ZNF385D: variants seen among roughly 807,000 people sequenced by gnomAD.
The protein encoded by ZNF385D is zinc finger protein 385D.
A neutral mutation model predicts 35.8 loss-of-function variants in ZNF385D; 15 were observed. That is an observed-to-expected ratio of 0.42 (90% CI 0.28 to 0.64). The LOEUF (loss-of-function observed/expected upper bound fraction) is 0.64. Among genes scored for constraint, ZNF385D ranks in the 30% least tolerant of loss-of-function variants. The pLI is 0.23. For synonymous variants in ZNF385D, 212 were observed against 186.8 expected, an observed-to-expected ratio of 1.13 and a Z score of -1.10; for missense variants, 474 against 494.6, an observed-to-expected ratio of 0.96 and a Z score of 0.39.
chr3:21,813,813 C>G (rs1324809611), intron 3 of ZNF385D, among the ~76,000 whole-genome samples: 1 of 152,114 alleles, frequency 6.6e-6, no homozygotes, highest in East Asian at 1.9e-4. Flanking sequence ...CCCAATCTAG[C>G]AAGGCAGGCC....
intron 3 of ZNF385D, among the ~76,000 whole-genome samples, chr3:21,891,764 T>C (rs1698881190): frequency 6.6e-6 from 1 of 152,328 alleles, no homozygotes. Flanking sequence ...TGGTAGTCTA[T>C]TGTCATTATC....
chr3:21,870,839 A>C (rs1274003796), intron 3 of ZNF385D, among the ~76,000 whole-genome samples: 1 of 152,066 alleles, frequency 6.6e-6, no homozygotes, highest in Non-Finnish European at 1.5e-5. Context: ...CAATTTTTAC[A>C]TTCAGAATCT....
At chr3:21,507,667 T>A (rs971792926) in intron 4 of ZNF385D, among the ~76,000 whole-genome samples, 1 of 152,166 alleles carries the variant, frequency 6.6e-6, no homozygotes, top group Non-Finnish European at 1.5e-5. Context: ...AAGTCCCAGA[T>A]GCAAGGAATT....
chr3:21,625,919 C>T (rs2065123409), intron 2 of ZNF385D, among the ~76,000 whole-genome samples: 2 of 152,072 alleles, frequency 1.3e-5, no homozygotes, highest in South Asian at 2.1e-4. Context: ...CCCCTCCTTT[C>T]AGGTTTCTTA....
chr3:21,960,672 T>C (rs1702538651), intron 3 of ZNF385D, among the ~76,000 whole-genome samples: 5 of 152,120 alleles, frequency 3.3e-5, no homozygotes, highest in Admixed American at 6.6e-5. Context: ...ATCGCTAAGA[T>C]ATGGAGTTAA....
chr3:22,356,666 G>T (rs1209924841), intron 2 of ZNF385D, among the ~76,000 whole-genome samples: 4 of 151,860 alleles, frequency 2.6e-5, no homozygotes, highest in African/African-American at 9.7e-5. Flanking sequence ...AAAGTGTTAT[G>T]ACTTAATTCC....
intron 2 of ZNF385D, among the ~76,000 whole-genome samples, chr3:22,310,428 A>G (rs1021682598): frequency 2.0e-5 from 3 of 151,980 alleles, no homozygotes; most frequent in African/African-American, 7.2e-5. Flanking sequence ...ATGCTTATTT[A>G]TAGATCTACT....
chr3:21,635,825 C>A (rs1349404834), intron 2 of ZNF385D, among the ~76,000 whole-genome samples: 1 of 151,788 alleles, frequency 6.6e-6, no homozygotes, highest in Non-Finnish European at 1.5e-5. Flanking sequence ...TTTTCCATTC[C>A]TGAATTACTT....
In ZNF385D at chr3:21,437,097, C is replaced by T. The variant is rs1440369510; in HGVS notation, c.546G>A (p.Thr182=). 1 of 1,613,896 alleles carries T rather than the reference C, an allele frequency of 6.2e-7. No homozygotes were observed. The highest frequency in any genetic ancestry group is 8.5e-7 in the Non-Finnish European group (1 of 1,179,882). Residue 182 remains threonine, a synonymous_variant, in exon 5 of 8, where the codon ACG becomes ACA. Transcript: ENST00000281523. ...GACATGAGCTATTGCCAGTGGCTGT[C>T]GTTGGGCTTTTTTCCACTTTAGAGG... ...EITSKVEKSP[T]TATGNSSCPS...
intron 1 of ZNF385D, among the ~76,000 whole-genome samples, chr3:21,724,731 G>A (rs9714414): frequency 0.16 from 24,652 of 151,716 alleles, 2,421 homozygotes; most frequent in Admixed American, 0.29. Context: ...CACAATATTA[G>A]TGGGAGAATT....
Position 22,120,810 on chromosome 3 carries a change from A to G in ZNF385D, c.325+48007T>C, listed in dbSNP as rs141121665. Among the ~76,000 whole-genome samples, 174 of 152,318 alleles carry G rather than the reference A, an allele frequency of 1.1e-3. 1 individual carries two copies. Among genetic ancestry groups the G allele is most frequent in the African/African-American group, 4.1e-3 (170 of 41,582 alleles). On this transcript the variant is annotated intron_variant, in intron 3 of 5. Coordinates refer to the ZNF385D transcript ENST00000494108. ...GTTTTCCTAATTACCGTTTATAACC[A>G]TAAGACATTTCATAGGAACCGAAAC...
chr3:22,316,030 T>G (rs1407092193), intron 2 of ZNF385D, among the ~76,000 whole-genome samples: 1 of 152,300 alleles, frequency 6.6e-6, no homozygotes, highest in African/African-American at 2.4e-5. Flanking sequence ...AACCTAAGAT[T>G]GGTCTCCTGA....
intron 2 of ZNF385D, among the ~76,000 whole-genome samples, chr3:21,577,359 A>G (rs1235777985): frequency 6.6e-6 from 1 of 152,206 alleles, no homozygotes; most frequent in African/African-American, 2.4e-5. Flanking sequence ...TTATGGCTGA[A>G]TAGGATTCCA....
At chr3:21,859,507 C>T (rs1696923267) in intron 3 of ZNF385D, among the ~76,000 whole-genome samples, 1 of 151,882 alleles carries the variant, frequency 6.6e-6, no homozygotes, top group South Asian at 2.1e-4. Flanking sequence ...TCTCTTTGCT[C>T]TGATCAGAGG....
intron 2 of ZNF385D, among the ~76,000 whole-genome samples, chr3:22,365,128 G>A (rs910241112): frequency 8.6e-5 from 13 of 152,024 alleles, no homozygotes; most frequent in African/African-American, 3.1e-4. Context: ...AATGGATATA[G>A]AGTTTCAGTT....
At chr3:21,821,908 G>A (rs548850892) in intron 3 of ZNF385D, among the ~76,000 whole-genome samples, 1 of 148,206 alleles carries the variant, frequency 6.7e-6, no homozygotes, top group African/African-American at 2.5e-5. Context: ...TGAGGCTGCA[G>A]TGAGCCATCA....
Position 21,951,111 on chromosome 3 carries a change from C to A in ZNF385D, c.325+217706G>T, listed in dbSNP as rs567608133. On this transcript the variant is annotated intron_variant, in intron 3 of 5. Transcript: ENST00000494108. ...GTCAATGGTAGCTTGATGGGGATAG[C>A]ATTGAATCTATAAATTACTTTGGGC... Among the ~76,000 whole-genome samples, 4 of 151,720 alleles carry A rather than the reference C, an allele frequency of 2.6e-5. No homozygotes were observed. In the South Asian group the frequency reaches 8.3e-4, roughly 31 times the overall value.
intron 3 of ZNF385D, among the ~76,000 whole-genome samples, chr3:22,157,537 A>C (rs1417020619): frequency 1.3e-5 from 2 of 152,058 alleles, no homozygotes; most frequent in African/African-American, 4.8e-5. Flanking sequence ...CCTTACAGGA[A>C]GTGTTTATTA....
intron 2 of ZNF385D, among the ~76,000 whole-genome samples, chr3:22,300,479 GAACA>G (rs1292439245): frequency 4.6e-5 from 7 of 151,208 alleles, no homozygotes; most frequent in Non-Finnish European, 1.0e-4. Flanking sequence ...ACAGCAAAGA[GAACA>G]ATCAACAGAG....
Sources: allele counts gnomAD v4.1 joint callset (sites outside exome capture counted in the v4.1 genomes callset), GRCh38; gene constraint gnomAD v4.1.1; transcripts MANE v1.5; gene names NCBI Gene and HGNC (gene_info 2026-07-23, HGNC 2026-07-21).